The following RLF variants were observed in gnomAD, a reference collection of about 807,000 sequenced individuals.
RLF encodes RLF zinc finger.
A neutral mutation model predicts 162.9 loss-of-function variants in RLF; 7 were observed. That is an observed-to-expected ratio of 0.04 (90% CI 0.02 to 0.08). The LOEUF is 0.08. Ranked by LOEUF, RLF falls within the 10% of genes least tolerant of loss-of-function variation. The pLI is 1.00. For synonymous variants in RLF, 782 were observed against 791.5 expected (o/e 0.99, Z 0.20); for missense variants, 1,664 against 2,244.7 (o/e 0.74, Z 5.23).
intron 6 of RLF, among the ~76,000 whole-genome samples, chr1:40,229,415 A>G (rs536326606): frequency 6.6e-6 from 1 of 151,416 alleles, no homozygotes; most frequent in Admixed American, 6.6e-5. Flanking sequence ...TTATAGCTCA[A>G]ATTTGCCATC....
chr1:40,187,668 G>A (rs1243763259), intron 1 of RLF, among the ~76,000 whole-genome samples: 2 of 152,098 alleles, frequency 1.3e-5, no homozygotes, highest in Non-Finnish European at 2.9e-5. Context: ...ACTGTATATG[G>A]TATAATGGTC....
chr1:40,198,586 C>T (rs1642670111), intron 4 of RLF, among the ~76,000 whole-genome samples: 1 of 152,220 alleles, frequency 6.6e-6, no homozygotes, highest in South Asian at 2.1e-4. Flanking sequence ...CAGGCGTGCA[C>T]CACTGTGCCC....
Position 40,237,945 on chromosome 1 carries a change from C to T in RLF, c.3243C>T (p.Phe1081=), listed in dbSNP as rs748284491. 1.9e-6 allele frequency: 3 copies of T among 1,614,138 alleles called. No individual in the cohort carries two copies. The highest frequency in any genetic ancestry group is 1.1e-5 in the South Asian group (1 of 91,082). Residue 1081 remains phenylalanine, a synonymous_variant, in exon 8 of 8, where the codon TTC becomes TTT. Transcript: ENST00000372771. The surrounding 1 kb of genome is among the most constrained non-coding windows in gnomAD (Gnocchi z 4.4). ...AAAACTCAATAACACATGGATCTTTCTCAGGGTCATTGCAGGGGTACCCAT... is the reference window on the plus strand; with the variant it reads ...AAAACTCAATAACACATGGATCTTTTTCAGGGTCATTGCAGGGGTACCCAT... ...SLKNSITHGS[F]SGSLQGYPSS... is the part of the protein sequence containing the mutation.
intron 5 of RLF, 130 bp from the exon 6 acceptor site, chr1:40,222,443 GA>G: frequency 8.4e-6 from 6 of 712,486 alleles, no homozygotes; most frequent in Non-Finnish European, 2.3e-6. Context: ...ATTCATGCAA[GA>G]AGACTCATTC....
At chr1:40,175,233 C>T (rs767815576) in intron 1 of RLF, among the ~76,000 whole-genome samples, 3 of 151,792 alleles carry the variant, frequency 2.0e-5, no homozygotes, top group African/African-American at 4.8e-5. Context: ...CTAGACCAGA[C>T]GTTCCCATAA....
At chr1:40,196,483 A>G (rs982068471) in intron 4 of RLF, among the ~76,000 whole-genome samples, 3 of 151,892 alleles carry the variant, frequency 2.0e-5, no homozygotes, top group Non-Finnish European at 4.4e-5. Flanking sequence ...GATGCAAAGA[A>G]TGAAGTTTTT....
intron 1 of RLF, among the ~76,000 whole-genome samples, chr1:40,181,969 T>C (rs1642409730): frequency 6.6e-6 from 1 of 152,132 alleles, no homozygotes; most frequent in African/African-American, 2.4e-5. Flanking sequence ...ATTTTATATA[T>C]AATACTGCAA....
chr1:40,217,509 C>G (rs998847231), intron 5 of RLF, among the ~76,000 whole-genome samples: 1 of 152,024 alleles, frequency 6.6e-6, no homozygotes, highest in African/African-American at 2.4e-5. Context: ...CAGTGGCTCA[C>G]TCCAGTAATC....
chr1:40,171,667 TAGTG>T (rs1248919138), intron 1 of RLF, among the ~76,000 whole-genome samples: 1 of 152,198 alleles, frequency 6.6e-6, no homozygotes, highest in Non-Finnish European at 1.5e-5. Context: ...ATGAATTAGA[TAGTG>T]AAAGTACCAT....
At chr1:40,175,262 G>T (rs2124527262) in intron 1 of RLF, among the ~76,000 whole-genome samples, 1 of 152,126 alleles carries the variant, frequency 6.6e-6, no homozygotes, top group Admixed American at 6.5e-5. Context: ...CAGTAAATGT[G>T]CATAAAACAT....
chr1:40,188,107 T>C (rs768162349), intron 1 of RLF, among the ~76,000 whole-genome samples: 21 of 152,218 alleles, frequency 1.4e-4, no homozygotes, highest in Non-Finnish European at 3.1e-4. Flanking sequence ...TAACTAGATA[T>C]ACCAATTAAG....
intron 3 of RLF, 103 bp downstream of exon 3, chr1:40,190,956 A>G (rs1557744564): frequency 3.4e-6 from 2 of 587,964 alleles, no homozygotes; most frequent in Middle Eastern, 2.6e-4. Context: ...CAAGTTTATT[A>G]TATATTGATA....
chr1:40,173,025 A>G (rs965474335), intron 1 of RLF, among the ~76,000 whole-genome samples: 3 of 151,816 alleles, frequency 2.0e-5, no homozygotes, highest in Admixed American at 1.3e-4. Flanking sequence ...ATCTGATAGG[A>G]AAGAATTATC....
At chr1:40,162,382 TGTTTA>T (rs1217817957) in intron 1 of RLF, among the ~76,000 whole-genome samples, 4 of 152,120 alleles carry the variant, frequency 2.6e-5, no homozygotes, top group Non-Finnish European at 5.9e-5. Flanking sequence ...TTTATGGGTG[TGTTTA>T]GTTTAGTCTC....
At chr1:40,192,008 A>G (rs1202602413) in intron 3 of RLF, among the ~76,000 whole-genome samples, 1 of 152,234 alleles carries the variant, frequency 6.6e-6, no homozygotes, top group East Asian at 1.9e-4. Flanking sequence ...ACAAATAAAG[A>G]CATGCATATT....
At chr1:40,229,674 C>T (rs1327206822) in intron 6 of RLF, among the ~76,000 whole-genome samples, 2 of 151,348 alleles carry the variant, frequency 1.3e-5, no homozygotes, top group African/African-American at 4.8e-5. Context: ...AGGCTGGTCT[C>T]GAACTCCTGA....
At chr1:40,193,781 G>A (rs1280929396) in intron 3 of RLF, among the ~76,000 whole-genome samples, 1 of 152,160 alleles carries the variant, frequency 6.6e-6, no homozygotes, top group Non-Finnish European at 1.5e-5. Context: ...GGGTGTATAT[G>A]TGTAGTAAAA....
intron 3 of RLF, 107 bp downstream of exon 3, chr1:40,190,960 A>G (rs915285906): frequency 5.4e-5 from 31 of 577,154 alleles, no homozygotes; most frequent in Non-Finnish European, 7.5e-5. Context: ...TTTATTATAT[A>G]TTGATATTAG....
chr1:40,220,958 C>G (rs1006717942), intron 5 of RLF, among the ~76,000 whole-genome samples: 1 of 143,080 alleles, frequency 7.0e-6, no homozygotes, highest in Non-Finnish European at 1.5e-5. Context: ...GAGACCTCAT[C>G]TCTACAAAAA....
Sources: allele counts gnomAD v4.1 joint callset (sites outside exome capture counted in the v4.1 genomes callset), GRCh38; gene constraint gnomAD v4.1.1; non-coding constraint Gnocchi (gnomAD v3.1); transcripts MANE v1.5; gene names NCBI Gene and HGNC (gene_info 2026-07-23, HGNC 2026-07-21).